Variants in ZFYVE19 observed in about 807,000 individuals in gnomAD.
ZFYVE19 encodes zinc finger FYVE-type containing 19.
A neutral mutation model predicts 62.8 loss-of-function variants in ZFYVE19; 49 were observed. That is an observed-to-expected ratio of 0.78 (90% CI 0.62 to 0.99). ZFYVE19 has a LOEUF of 0.99. Ranked by LOEUF, ZFYVE19 falls within the 50% of genes least tolerant of loss-of-function variation. The pLI, the probability that ZFYVE19 is intolerant of heterozygous loss-of-function variation, is 0.00. For synonymous variants in ZFYVE19, 242 were observed against 234.3 expected, an observed-to-expected ratio of 1.03 and a Z score of -0.30; for missense variants, 630 against 601.9, an observed-to-expected ratio of 1.05 and a Z score of -0.49.
At chr15:40,808,576 G>A in intron 1 of ZFYVE19, 1 of 609,014 alleles carries the variant, frequency 1.6e-6, no homozygotes. Flanking sequence ...AACCTCTCTG[G>A]CCCTCTCAAA....
chr15:40,814,112 G>C, intron 10 of ZFYVE19, 36 bp from the exon 11 acceptor site: 1 of 1,614,208 alleles, frequency 6.2e-7, no homozygotes, highest in Non-Finnish European at 8.5e-7. Flanking sequence ...CTCAAGGGCT[G>C]CCTGGATCCC....
At chr15:40,813,158 C>G (rs923180273) in intron 7 of ZFYVE19, among the ~76,000 whole-genome samples, 180 bp from the exon 8 acceptor site, 4 of 152,114 alleles carry the variant, frequency 2.6e-5, no homozygotes, top group African/African-American at 4.8e-5. Flanking sequence ...AGTGATGGCC[C>G]AGCCCTGCAG....
In ZFYVE19 at chr15:40,809,452, A is replaced by C. The variant is rs140044253; in HGVS notation, c.446A>C (p.Tyr149Ser). The part of the protein sequence containing the change: ...NASKWSPPQN[Y>S]KKRVAALEAK... ...TCCAAGTGGTCACCACCTCAGAACTATAAGAAGTAAGTGCTGAAGAGAAAA... is the reference window on the plus strand; with the variant it reads ...TCCAAGTGGTCACCACCTCAGAACTCTAAGAAGTAAGTGCTGAAGAGAAAA... The change falls in exon 3 of 11, where the codon TAT becomes TCT. Residue 149 changes from tyrosine to serine, a missense_variant. Physicochemically the swap from Tyr to Ser is moderately radical, Grantham distance 144. Coordinates refer to ENST00000355341, the MANE Select transcript of ZFYVE19 (RefSeq NM_001077268.2). 5.5e-5 allele frequency: 89 copies of C among 1,614,174 alleles called. No individual in the cohort carries two copies. The African/African-American group carries it at 1.1e-3, about 20-fold the overall frequency.
At chr15:40,807,895 A>G in intron 1 of ZFYVE19, 27 bp downstream of exon 1, 1 of 1,543,140 alleles carries the variant, frequency 6.5e-7, no homozygotes, top group Non-Finnish European at 8.7e-7. Context: ...CGAGGGCTGC[A>G]GGGCCAGGGA....
chr15:40,813,432 C>A lies in ZFYVE19; in HGVS notation c.1110+15C>A, dbSNP rs200295225. ...TCCTGCAGCAGGTGGGCCTGGATTA[C>A]CCACCTGCCACCCCTTGTCCCGTCT... On this transcript the variant is annotated intron_variant, in intron 8 of 10. Transcript: ENST00000355341. 1.2e-5 allele frequency: 19 copies of A among 1,589,658 alleles called. No individual in the cohort carries two copies. The highest frequency in any genetic ancestry group is 1.5e-5 in the Non-Finnish European group (18 of 1,168,094).
At chr15:40,810,336 C>A in intron 5 of ZFYVE19, 120 bp downstream of exon 5, 1 of 1,452,752 alleles carries the variant, frequency 6.9e-7, no homozygotes, top group Non-Finnish European at 9.2e-7. Context: ...CTTTTAATTG[C>A]AAAAACCTCA....
At chr15:40,808,004 C>G in intron 1 of ZFYVE19, 136 bp downstream of exon 1, 1 of 1,206,444 alleles carries the variant, frequency 8.3e-7, no homozygotes, top group Non-Finnish European at 1.2e-6. Flanking sequence ...TCCTCAGTTT[C>G]CATTTCTGTA....
At position 40,814,471 on chromosome 15, in the gene ZFYVE19, C is replaced by T; in HGVS notation, c.*245C>T. The T allele has an allele frequency of 1.8e-6, 1 of 563,696 alleles. No homozygotes were observed. The highest frequency in any genetic ancestry group is 3.2e-6 in the Non-Finnish European group (1 of 316,536). The allele number at this position is 563,696 out of a possible 1,614,324, so 34.9% of individuals were successfully genotyped here. ...AAGTGAGAGGCATGATGGGGAGAGA[C>T]CAGACTGAATCTACGGGTGAGCCCT... On this transcript the variant is annotated 3_prime_UTR_variant, in exon 11 of 11. Transcript: ENST00000355341.
intron 8 of ZFYVE19, 23 bp from the exon 9 acceptor site, chr15:40,813,690 G>A: frequency 1.9e-6 from 3 of 1,603,796 alleles, no homozygotes; most frequent in Non-Finnish European, 2.6e-6. Flanking sequence ...CAGGGGAGTA[G>A]TACATCTTCA....
Position 40,813,788 on chromosome 15 carries a change from C to T in ZFYVE19, c.1186C>T (p.Gln396Ter). The part of the protein sequence containing the change: ...PAEQASRPWT[Q>*]PRGAEPEAQD... ...AGAGCAGGCTTCTCGACCCTGGACGCAACCCCGCGGGGCAGAGCCTGAGGT... is the reference window on the plus strand; with the variant it reads ...AGAGCAGGCTTCTCGACCCTGGACGTAACCCCGCGGGGCAGAGCCTGAGGT... The change falls in exon 9 of 11, where the codon CAA becomes TAA. Residue 396 changes from glutamine to a stop codon, truncating the protein, a stop_gained. Coordinates refer to ENST00000355341, the MANE Select transcript of ZFYVE19 (RefSeq NM_001077268.2). LOFTEE classifies it high-confidence loss of function. The T allele has an allele frequency of 1.2e-6, 2 of 1,614,084 alleles. No homozygotes were observed. Among genetic ancestry groups the T allele is most frequent in the Middle Eastern group, 1.6e-4 (1 of 6,062 alleles).
rs1368556632 is a variant in ZFYVE19, at chr15:40,807,581, C to A, written c.-9C>A. The stretch of plus-strand genomic sequence containing the variant: ...CTTGACTGACTCTGAGGGAGGCCGG[C>A]AGTCGTGAATGAACTACGACTCCCA... On this transcript the variant is annotated 5_prime_UTR_variant, in exon 1 of 11. Coordinates refer to ENST00000355341, the MANE Select transcript of ZFYVE19 (RefSeq NM_001077268.2). 1.2e-6 allele frequency: 2 copies of A among 1,609,712 alleles called. No individual in the cohort carries two copies. Among genetic ancestry groups the A allele is most frequent in the East Asian group, 2.2e-5 (1 of 44,848 alleles).
intron 6 of ZFYVE19, among the ~76,000 whole-genome samples, 150 bp from the exon 7 acceptor site, chr15:40,812,545 CAAAA>C (rs373468873): frequency 6.0e-4 from 28 of 46,622 alleles, no homozygotes; most frequent in African/African-American, 1.6e-3. Context: ...GACTCCATCT[CAAAA>C]AAAAAAAAAA....
At chr15:40,808,027 C>T (rs900863005) in intron 1 of ZFYVE19, 159 bp downstream of exon 1, 2 of 1,097,332 alleles carry the variant, frequency 1.8e-6, no homozygotes, top group Non-Finnish European at 2.7e-6. Flanking sequence ...ATGGGGCTAA[C>T]ATTCTCTCGC....
chr15:40,810,638 C>A lies in ZFYVE19; in HGVS notation c.718-11C>A. On this transcript the variant is annotated splice_polypyrimidine_tract_variant and intron_variant, in intron 5 of 10. Transcript: ENST00000355341. ...CCCCTGCTCTCCACTGAGGTTTCCTCGTCTGTGCAGGCACATCACACACCG... is the reference window on the plus strand; with the variant it reads ...CCCCTGCTCTCCACTGAGGTTTCCTAGTCTGTGCAGGCACATCACACACCG... The A allele has an allele frequency of 6.4e-7, 1 of 1,557,328 alleles. No individual in the cohort carries two copies. Among genetic ancestry groups the A allele is most frequent in the South Asian group, 1.2e-5 (1 of 84,284 alleles).
chr15:40,810,050 C>A lies in ZFYVE19; in HGVS notation c.572-21C>A, dbSNP rs577887603. 45 of 1,614,166 alleles carry A rather than the reference C, an allele frequency of 2.8e-5. No individual in the cohort carries two copies. The East Asian group carries it at 9.6e-4, about 34-fold the overall frequency. Reference sequence around the variant, plus strand: ...TGAGATGCCTCTGGCCCTTACAAGGCTCCCCCCATGCCAATTGCAGAGTTA... The same window carrying A: ...TGAGATGCCTCTGGCCCTTACAAGGATCCCCCCATGCCAATTGCAGAGTTA... On this transcript the variant is annotated intron_variant, in intron 4 of 10. Coordinates refer to ENST00000355341, the MANE Select transcript of ZFYVE19 (RefSeq NM_001077268.2).
intron 1 of ZFYVE19, chr15:40,808,505 C>T (rs1890355275): frequency 6.5e-6 from 9 of 1,388,828 alleles, no homozygotes; most frequent in Non-Finnish European, 8.6e-6. Context: ...TTGGAGTCAG[C>T]GTTCAAATCT....
At chr15:40,812,136 G>C (rs1004711344) in intron 6 of ZFYVE19, among the ~76,000 whole-genome samples, 10 of 152,228 alleles carry the variant, frequency 6.6e-5, no homozygotes, top group Non-Finnish European at 1.2e-4. Flanking sequence ...GGTTGGAAAA[G>C]ACATGGGTAA....
rs760797747 is a variant in ZFYVE19 at position 40,809,194 on chromosome 15, A to C, written c.355A>C (p.Asn119His). 2.8e-5 allele frequency: 46 copies of C among 1,614,078 alleles called. No individual in the cohort carries two copies. Among genetic ancestry groups the C allele is most frequent in the Non-Finnish European group, 3.8e-5 (45 of 1,180,030 alleles). ...CAGTGCAGCAGTGCCTCGGACTGGG[A>C]ACACCCAACAGAAAGTCTGCAAGCA... ...SFSAAVPRTGNTQQKVCKQCH... is the reference protein window; with the variant it reads ...SFSAAVPRTGHTQQKVCKQCH... Residue 119 changes from asparagine to histidine, a missense_variant, in exon 2 of 11, where the codon AAC (asparagine) becomes CAC (histidine). Physicochemically the swap from Asn to His is moderately conservative, Grantham distance 68. Coordinates refer to ENST00000355341, the MANE Select transcript of ZFYVE19 (RefSeq NM_001077268.2).
Position 40,809,170 on chromosome 15 carries a change from A to G in ZFYVE19, c.331A>G (p.Ser111Gly). The G allele has an allele frequency of 5.0e-6, 8 of 1,614,198 alleles. No homozygotes were observed. Among genetic ancestry groups the G allele is most frequent in the Non-Finnish European group, 6.8e-6 (8 of 1,180,026 alleles). The change falls in exon 2 of 11, where the codon AGT becomes GGT. Residue 111 changes from serine to glycine, a missense_variant. Ser to Gly is a moderately conservative substitution (Grantham distance 56). Transcript: ENST00000355341. ...CTTCTGTTCAGGCTGCCTAAGCTTC[A>G]GTGCAGCAGTGCCTCGGACTGGGAA... ...RAFCSGCLSFSAAVPRTGNTQ... is the reference protein window; with the variant it reads ...RAFCSGCLSFGAAVPRTGNTQ...
Sources: allele counts gnomAD v4.1 joint callset (sites outside exome capture counted in the v4.1 genomes callset), GRCh38; gene constraint gnomAD v4.1.1; transcripts MANE v1.5; gene names NCBI Gene and HGNC (gene_info 2026-07-23, HGNC 2026-07-21).